PRP4K: variants seen among roughly 807,000 people sequenced by gnomAD.
The protein encoded by PRP4K is pre-mRNA processing factor kinase PRP4K, also known as serine/threonine-protein kinase PRP4 homolog.
the PRP4K span, chr6:4,051,918 A>G: frequency 7.4e-7 from 1 of 1,356,156 alleles, no homozygotes; most frequent in South Asian, 1.4e-5. Context: ...TAAATTCTGT[A>G]TATATTCAAT....
the PRP4K span, among the ~76,000 whole-genome samples, chr6:4,022,590 C>G: frequency 6.6e-6 from 1 of 152,136 alleles, no homozygotes; most frequent in Non-Finnish European, 1.5e-5. Context: ...ACCAGACAAC[C>G]TGACACTTAA....
chr6:4,047,150 A>T, the PRP4K span: 30 of 1,574,132 alleles, frequency 1.9e-5, no homozygotes, highest in Non-Finnish European at 2.4e-5. Context: ...TCACTTTTCA[A>T]ACATTAATGC....
chr6:4,062,449 G>A, the PRP4K span: 1 of 152,594 alleles, frequency 6.6e-6, no homozygotes, highest in Non-Finnish European at 1.5e-5. The surrounding 1 kb of genome is among the most constrained non-coding windows in gnomAD (Gnocchi z 4.2). Flanking sequence ...TTTGCTGTTT[G>A]GGGGGTAAAA....
At chr6:4,048,646 C>A in the PRP4K span, among the ~76,000 whole-genome samples, 1 of 152,038 alleles carries the variant, frequency 6.6e-6, no homozygotes, top group African/African-American at 2.4e-5. Flanking sequence ...TGGCTCACCG[C>A]AGCCTTGAAT....
chr6:4,027,942 A>T, the PRP4K span, among the ~76,000 whole-genome samples: 2 of 152,308 alleles, frequency 1.3e-5, no homozygotes, highest in Non-Finnish European at 2.9e-5. Context: ...ACGCCTAAAG[A>T]TCATTCTCAA....
At chr6:4,052,437 GA>G in the PRP4K span, among the ~76,000 whole-genome samples, 5 of 152,148 alleles carry the variant, frequency 3.3e-5, no homozygotes, top group Admixed American at 6.5e-5. Flanking sequence ...TGTGTTTTCA[GA>G]TGTGAATCTA....
the PRP4K span, among the ~76,000 whole-genome samples, chr6:4,045,625 T>G: frequency 6.6e-6 from 1 of 152,346 alleles, no homozygotes; most frequent in African/African-American, 2.4e-5. Flanking sequence ...TTTCTATCTC[T>G]TATTACAGTG....
At chr6:4,031,984 A>G in the PRP4K span, 2 of 1,614,092 alleles carry the variant, frequency 1.2e-6, no homozygotes, top group Non-Finnish European at 1.7e-6. Flanking sequence ...AAGGCAAGAA[A>G]TGGAAATAGG....
the PRP4K span, among the ~76,000 whole-genome samples, chr6:4,043,254 A>C: frequency 6.6e-6 from 1 of 152,206 alleles, no homozygotes; most frequent in African/African-American, 2.4e-5. Context: ...GTAGGGCAAA[A>C]CTAATTCCGG....
At chr6:4,036,062 T>C in the PRP4K span, among the ~76,000 whole-genome samples, 1 of 152,204 alleles carries the variant, frequency 6.6e-6, no homozygotes. Context: ...ATTGAATAGT[T>C]GTGACCAAAC....
chr6:4,037,419 C>T, the PRP4K span: 81 of 1,612,706 alleles, frequency 5.0e-5, no homozygotes, highest in Non-Finnish European at 6.0e-5. Flanking sequence ...AGATGATATC[C>T]TCAGTAGACG....
At chr6:4,028,018 A>T in the PRP4K span, among the ~76,000 whole-genome samples, 1 of 152,156 alleles carries the variant, frequency 6.6e-6, no homozygotes, top group South Asian at 2.1e-4. Context: ...TTTTCCCCCT[A>T]TAAGTCAAGG....
the PRP4K span, chr6:4,021,376 C>T: frequency 2.6e-6 from 4 of 1,555,452 alleles, no homozygotes; most frequent in Non-Finnish European, 3.5e-6. Context: ...CCCTACCCTC[C>T]ACCGTCCGGG....
chr6:4,062,012 A>G, the PRP4K span: 1 of 152,612 alleles, frequency 6.6e-6, no homozygotes, highest in Non-Finnish European at 1.5e-5. The surrounding 1 kb of genome is among the most constrained non-coding windows in gnomAD (Gnocchi z 4.2). Flanking sequence ...TTTTTAATTG[A>G]AAGTATTATT....
chr6:4,021,508 G>A, the PRP4K span: 2 of 1,563,342 alleles, frequency 1.3e-6, no homozygotes, highest in African/African-American at 2.7e-5. Context: ...GGAGCCCGGG[G>A]ACTGCCGAGT....
the PRP4K span, chr6:4,042,599 T>A: frequency 6.5e-7 from 1 of 1,549,696 alleles, no homozygotes; most frequent in Non-Finnish European, 8.7e-7. Flanking sequence ...ATAACCATTA[T>A]TGTAGTAAAA....
the PRP4K span, among the ~76,000 whole-genome samples, chr6:4,026,370 T>C: frequency 6.7e-6 from 1 of 148,594 alleles, no homozygotes; most frequent in African/African-American, 2.5e-5. Context: ...TGGCGCAATC[T>C]TGGGTCACTG....
the PRP4K span, chr6:4,021,510 C>T: frequency 6.4e-7 from 1 of 1,562,648 alleles, no homozygotes. Context: ...AGCCCGGGGA[C>T]TGCCGAGTGG....
the PRP4K span, among the ~76,000 whole-genome samples, chr6:4,033,651 G>A: frequency 6.6e-6 from 1 of 152,158 alleles, no homozygotes. Flanking sequence ...ATATAAGGAT[G>A]TTATTAATTC....
Sources: gnomAD v4.1 joint callset for allele counts (sites outside exome capture counted in the v4.1 genomes callset) on GRCh38, gnomAD v4.1.1 for gene constraint, Gnocchi (gnomAD v3.1) non-coding constraint, MANE v1.5 for transcripts, NCBI Gene and HGNC (gene_info 2026-07-23, HGNC 2026-07-21) for gene names.